Variants in ZFHX3 observed in about 807,000 individuals in gnomAD.
ZFHX3 encodes the protein zinc finger homeobox 3.
Under a neutral mutation model 279.1 loss-of-function variants are expected in ZFHX3, and 42 were observed. The observed-to-expected ratio is 0.15, with a 90% CI of 0.12 to 0.19. The LOEUF (loss-of-function observed/expected upper bound fraction) is 0.19, where lower values mean the gene tolerates loss of function less well. Ranked by LOEUF, ZFHX3 falls within the 10% of genes least tolerant of loss-of-function variation. ZFHX3 has a pLI of 1.00. For synonymous variants in ZFHX3, 2,293 were observed against 1,957.8 expected (o/e 1.17, Z -4.52); for missense variants, 4,981 against 4,754.0 (o/e 1.05, Z -1.40).
At chr16:73,732,804 C>G (rs1316976145) in intron 1 of ZFHX3, among the ~76,000 whole-genome samples, 1 of 152,112 alleles carries the variant, frequency 6.6e-6, no homozygotes, top group African/African-American at 2.4e-5. Context: ...AAAGCTAGCT[C>G]CAGTGGTCTA....
intron 4 of ZFHX3, among the ~76,000 whole-genome samples, chr16:72,885,624 C>T (rs1468651237): frequency 6.6e-6 from 1 of 152,130 alleles, no homozygotes; most frequent in Non-Finnish European, 1.5e-5. Flanking sequence ...CCCCTCCTGC[C>T]TTAGGAGGAG....
chr16:73,864,848 C>T (rs1961972152), intron 1 of ZFHX3, among the ~76,000 whole-genome samples: 2 of 152,232 alleles, frequency 1.3e-5, no homozygotes, highest in South Asian at 4.1e-4. Flanking sequence ...CTGGAAATGG[C>T]CACATACTCA....
rs138912160 is a variant in ZFHX3, at chr16:73,343,173, T to C, written c.-1290-24837A>G. ...CCTAAATATACAGGAAGGGGAAAGC[T>C]AAAATGTTGTAGGACTGAAATGGAA... On this transcript the variant is annotated intron_variant, in intron 3 of 17. Transcript: ENST00000641206. 1.0e-2 allele frequency among the ~76,000 whole-genome samples: 1,509 copies of C among 151,574 alleles called. 25 individuals are homozygous for C. Among genetic ancestry groups the C allele is most frequent in the African/African-American group, 0.035 (1,438 of 41,478 alleles).
chr16:72,829,560 C>T (rs2037016229), intron 5 of ZFHX3: 1 of 512,272 alleles, frequency 2.0e-6, no homozygotes. Context: ...AAAAGCTTAA[C>T]CATTAAAAAC....
chr16:72,976,289 A>C (rs1962342765), intron 1 of ZFHX3, among the ~76,000 whole-genome samples: 1 of 152,184 alleles, frequency 6.6e-6, no homozygotes, highest in Non-Finnish European at 1.5e-5. Context: ...GCAGTTCCAA[A>C]AGATTCCCAT....
chr16:73,668,780 G>A (rs563873140), intron 2 of ZFHX3, among the ~76,000 whole-genome samples: 1 of 151,918 alleles, frequency 6.6e-6, no homozygotes, highest in African/African-American at 2.4e-5. Context: ...CTCAAAAGAA[G>A]ACGCTTATGC....
chr16:73,601,385 G>A (rs1055300192), intron 2 of ZFHX3, among the ~76,000 whole-genome samples: 17 of 150,064 alleles, frequency 1.1e-4, no homozygotes, highest in African/African-American at 3.4e-4. Flanking sequence ...CAGGAGAATC[G>A]CTTGAACCTG....
intron 1 of ZFHX3, among the ~76,000 whole-genome samples, chr16:73,058,084 G>A (rs1399506003): frequency 7.2e-6 from 1 of 139,738 alleles, no homozygotes; most frequent in East Asian, 2.4e-4. Flanking sequence ...TACCCCGGCC[G>A]CCCTCCCGCC....
chr16:73,248,424 G>A (rs1002381105), intron 5 of ZFHX3, among the ~76,000 whole-genome samples: 4 of 151,766 alleles, frequency 2.6e-5, no homozygotes, highest in Admixed American at 1.3e-4. Flanking sequence ...CATATAATGT[G>A]TCTTTGTGTC....
chr16:73,439,071 T>C (rs1308203328), intron 3 of ZFHX3, among the ~76,000 whole-genome samples: 5 of 152,220 alleles, frequency 3.3e-5, no homozygotes, highest in Admixed American at 6.5e-5. Context: ...TGGGGGGTTT[T>C]TGCCTTCCTC....
rs989415831 is a variant in ZFHX3 at position 73,856,695 on chromosome 16, G to T, written c.-1608+34956C>A. Among the ~76,000 whole-genome samples the T allele has an allele frequency of 3.3e-5, 5 of 152,106 alleles. No homozygotes were observed. The East Asian group carries it at 5.8e-4, about 18-fold the overall frequency. ...TTTTAGACGGTATTAGAACTGATTT[G>T]CAGGGTTATACCATAATCAGGAATG... On this transcript the variant is annotated intron_variant, in intron 1 of 17. Coordinates refer to the ZFHX3 transcript ENST00000641206.
At chr16:73,045,393 T>A (rs1019964051) in intron 1 of ZFHX3, among the ~76,000 whole-genome samples, 1 of 152,150 alleles carries the variant, frequency 6.6e-6, no homozygotes, top group Non-Finnish European at 1.5e-5. Context: ...TCTCGCTTAT[T>A]TTAGCTCCTT....
At chr16:73,055,689 C>G (rs1024906245) in intron 1 of ZFHX3, among the ~76,000 whole-genome samples, 17 of 127,696 alleles carry the variant, frequency 1.3e-4, no homozygotes, top group Non-Finnish European at 2.5e-4. Flanking sequence ...CGCGCGCGCG[C>G]GCGCGCGCGC....
chr16:73,346,029 G>A (rs190243693), intron 3 of ZFHX3, among the ~76,000 whole-genome samples: 1 of 152,248 alleles, frequency 6.6e-6, no homozygotes, highest in East Asian at 1.9e-4. Flanking sequence ...CCAGAATGAG[G>A]GAGCTGTCCC....
At chr16:72,992,403 G>C (rs1030636932) in intron 1 of ZFHX3, among the ~76,000 whole-genome samples, 1 of 152,200 alleles carries the variant, frequency 6.6e-6, no homozygotes, top group African/African-American at 2.4e-5. Context: ...TTTAGTGAGA[G>C]GACCTCCGGC....
intron 3 of ZFHX3, chr16:73,402,035 TC>T (rs1306945969): frequency 6.6e-6 from 1 of 152,222 alleles, no homozygotes; most frequent in African/African-American, 2.4e-5. Flanking sequence ...AAAATACTAG[TC>T]CAGGAAAGGA....
chr16:73,030,930 A>C (rs1964676930), intron 1 of ZFHX3, among the ~76,000 whole-genome samples: 1 of 152,174 alleles, frequency 6.6e-6, no homozygotes, highest in African/African-American at 2.4e-5. Flanking sequence ...TTCCTTCCTT[A>C]GGTTCAGCCA....
At chr16:73,143,709 A>T in intron 6 of ZFHX3, 1 of 1,284,860 alleles carries the variant, frequency 7.8e-7, no homozygotes, top group Non-Finnish European at 1.0e-6. Flanking sequence ...CTCACCTGGT[A>T]TAACATTTTC....
At chr16:72,838,983 G>A (rs1165476122) in intron 4 of ZFHX3, among the ~76,000 whole-genome samples, 1 of 151,774 alleles carries the variant, frequency 6.6e-6, no homozygotes, top group Admixed American at 6.6e-5. Context: ...CGGAATACAC[G>A]CTAAGTAAGA....
Sources: gnomAD v4.1 joint callset for allele counts (sites outside exome capture counted in the v4.1 genomes callset) on GRCh38, gnomAD v4.1.1 for gene constraint, MANE v1.5 for transcripts, NCBI Gene and HGNC (gene_info 2026-07-23, HGNC 2026-07-21) for gene names.